PAPSS1: variants seen among roughly 807,000 people sequenced by gnomAD.
The protein encoded by PAPSS1 is 3'-phosphoadenosine 5'-phosphosulfate synthase 1, also known as bifunctional 3'-phosphoadenosine 5'-phosphosulfate synthase 1.
Under a neutral mutation model 72.0 loss-of-function variants are expected in PAPSS1, and 50 were observed. That is an observed-to-expected ratio of 0.69 (90% CI 0.55 to 0.88). The LOEUF is 0.88. Ranked by LOEUF, PAPSS1 falls within the 40% of genes least tolerant of loss-of-function variation. The probability of loss-of-function intolerance (pLI) is 0.00; values close to 1 mark genes in which losing one functional copy is unlikely to be tolerated. For synonymous variants in PAPSS1, 261 were observed against 263.6 expected (o/e 0.99, Z 0.09); for missense variants, 657 against 782.2 (o/e 0.84, Z 1.91).
intron 6 of PAPSS1, among the ~76,000 whole-genome samples, chr4:107,659,426 T>A (rs1727110947): frequency 6.6e-6 from 1 of 152,230 alleles, no homozygotes; most frequent in African/African-American, 2.4e-5. Flanking sequence ...ACATAAATGA[T>A]ACAACTTAAA....
intron 11 of PAPSS1, among the ~76,000 whole-genome samples, chr4:107,627,440 G>A (rs1268132129): frequency 6.6e-6 from 1 of 152,106 alleles, no homozygotes; most frequent in Non-Finnish European, 1.5e-5. Context: ...GAAGCAAAAG[G>A]TTTCTGGGCC....
chr4:107,719,949 T>C (rs1430296220), intron 1 of PAPSS1, 171 bp downstream of exon 1: 1 of 1,395,068 alleles, frequency 7.2e-7, no homozygotes, highest in Admixed American at 3.4e-5. Context: ...CGCGCCCCTC[T>C]GCCTCGCAAC....
rs564343566 is a variant in PAPSS1, at chr4:107,693,707, C to T, written c.411+64G>A. 208 of 1,156,508 alleles carry T rather than the reference C, an allele frequency of 1.8e-4. 5 individuals carry two copies. In the South Asian group the frequency reaches 2.6e-3, roughly 14 times the overall value. 71.6% of individuals were successfully genotyped at this position (1,156,508 alleles called of 1,614,324 possible). A position where few individuals can be genotyped will look rare whatever the true frequency, so the allele number is the denominator to read the frequency against. ...CACATATCAATGTTTAAAGTATGTG[C>T]TTTGCCTGATACCATATTCTCAATA... On this transcript the variant is annotated intron_variant, in intron 3 of 11. Transcript: ENST00000265174.
intron 10 of PAPSS1, among the ~76,000 whole-genome samples, chr4:107,642,985 C>G (rs1404211025): frequency 6.6e-6 from 1 of 152,318 alleles, no homozygotes; most frequent in Non-Finnish European, 1.5e-5. Context: ...AAAACCTTCA[C>G]GCCAGCGCTA....
At chr4:107,654,584 A>T in intron 8 of PAPSS1, 111 bp downstream of exon 8, 1 of 847,266 alleles carries the variant, frequency 1.2e-6, no homozygotes, top group Non-Finnish European at 2.0e-6. Flanking sequence ...AATCTCTACT[A>T]TGCAAAATAT....
At chr4:107,633,720 C>A (rs1306708085) in intron 10 of PAPSS1, among the ~76,000 whole-genome samples, 1 of 151,730 alleles carries the variant, frequency 6.6e-6, no homozygotes, top group Admixed American at 6.6e-5. Context: ...GAGATTGAGA[C>A]CATCCTGGCT....
At chr4:107,714,615 T>G (rs142349943) in intron 1 of PAPSS1, among the ~76,000 whole-genome samples, 1 of 152,322 alleles carries the variant, frequency 6.6e-6, no homozygotes, top group South Asian at 2.1e-4. Flanking sequence ...GATTTTACAT[T>G]TGCATTTCAG....
chr4:107,680,752 A>C (rs1013513260), intron 5 of PAPSS1, among the ~76,000 whole-genome samples: 6 of 152,226 alleles, frequency 3.9e-5, no homozygotes, highest in Non-Finnish European at 8.8e-5. Flanking sequence ...AGAGATAAGG[A>C]GGAAGCTACA....
chr4:107,717,964 T>C (rs1223491139), intron 1 of PAPSS1, among the ~76,000 whole-genome samples: 1 of 152,186 alleles, frequency 6.6e-6, no homozygotes, highest in Non-Finnish European at 1.5e-5. Flanking sequence ...AGAACATAAA[T>C]AGTGCTCATG....
chr4:107,633,405 T>G (rs1167713847), intron 10 of PAPSS1, among the ~76,000 whole-genome samples: 1 of 152,202 alleles, frequency 6.6e-6, no homozygotes, highest in Admixed American at 6.5e-5. Context: ...TTTGCACAAC[T>G]GTTTTTCCTA....
Position 107,619,255 on chromosome 4 carries a change from A to G in PAPSS1, c.1737-4868T>C, listed in dbSNP as rs1412935283. Among the ~76,000 whole-genome samples the G allele has an allele frequency of 2.0e-5, 3 of 152,264 alleles. No homozygotes were observed. The South Asian group carries it at 6.2e-4, about 32-fold the overall frequency. ...TTGCTTGCATTCCTTCTGAAATTGC[A>G]ATTTTAAACCAAGGTCCCTGGGTAC... On this transcript the variant is annotated intron_variant, in intron 11 of 11. Coordinates refer to ENST00000265174, the MANE Select transcript of PAPSS1 (RefSeq NM_005443.5).
At chr4:107,708,432 G>C (rs1052437226) in intron 1 of PAPSS1, among the ~76,000 whole-genome samples, 1 of 152,232 alleles carries the variant, frequency 6.6e-6, no homozygotes, top group Non-Finnish European at 1.5e-5. Flanking sequence ...TATACTGGTA[G>C]AACCTGTTTG....
chr4:107,709,606 G>A (rs151220979), intron 1 of PAPSS1, among the ~76,000 whole-genome samples: 6 of 152,174 alleles, frequency 3.9e-5, no homozygotes, highest in African/African-American at 7.2e-5. Flanking sequence ...AGATGACATC[G>A]CTATTGTAGA....
intron 5 of PAPSS1, among the ~76,000 whole-genome samples, chr4:107,666,404 T>C (rs151179134): frequency 7.9e-5 from 12 of 152,348 alleles, no homozygotes; most frequent in African/African-American, 2.6e-4. Flanking sequence ...TAGTGTTTTC[T>C]ATTTTCTTAA....
chr4:107,631,819 G>A lies in PAPSS1; in HGVS notation c.1548C>T (p.Asn516=). The A allele has an allele frequency of 6.2e-7, 1 of 1,614,072 alleles. No individual in the cohort carries two copies. The highest frequency in any genetic ancestry group is 1.3e-5 in the African/African-American group (1 of 75,014). The change falls in exon 11 of 12, where the codon AAC becomes AAT. Residue 516 remains asparagine (N), a synonymous_variant. Coordinates refer to ENST00000265174, the MANE Select transcript of PAPSS1 (RefSeq NM_005443.5). ...CAGGGTCTCGTCCAACAATGTAAAA[G>A]TTGGCTCCTGCAACCATCCGTGCTC... The part of the protein sequence containing the change: ...HCRARMVAGA[N]FYIVGRDPAG...
At chr4:107,718,958 C>G (rs895310261) in intron 1 of PAPSS1, among the ~76,000 whole-genome samples, 2 of 152,202 alleles carry the variant, frequency 1.3e-5, no homozygotes, top group South Asian at 2.1e-4. Flanking sequence ...AGTAAAGTGA[C>G]TCTCCTCAAG....
intron 10 of PAPSS1, among the ~76,000 whole-genome samples, chr4:107,636,960 ACTAT>A (rs1271148177): frequency 1.5e-4 from 23 of 152,218 alleles, no homozygotes; most frequent in Non-Finnish European, 2.9e-4. Context: ...AGTTAAGTTT[ACTAT>A]CTAATAGTGA....
chr4:107,717,161 T>C (rs1435171784), intron 1 of PAPSS1, among the ~76,000 whole-genome samples: 1 of 152,194 alleles, frequency 6.6e-6, no homozygotes, highest in East Asian at 1.9e-4. Context: ...GAAAAAACAC[T>C]GAAATGATAG....
chr4:107,653,644 T>G lies in PAPSS1; in HGVS notation c.1102-18A>C. The G allele has an allele frequency of 1.2e-6, 2 of 1,603,762 alleles. No individual in the cohort carries two copies. Reference sequence around the variant, plus strand: ...ATCACCATCTAATAGGAAAAACAAATTTTTTTAATGGAAACCGAGATCAAA... The same window carrying G: ...ATCACCATCTAATAGGAAAAACAAAGTTTTTTAATGGAAACCGAGATCAAA... On this transcript the variant is annotated intron_variant, in intron 8 of 11. Coordinates refer to ENST00000265174, the MANE Select transcript of PAPSS1 (RefSeq NM_005443.5).
Sources: gnomAD v4.1 joint callset for allele counts (sites outside exome capture counted in the v4.1 genomes callset) on GRCh38, gnomAD v4.1.1 for gene constraint, MANE v1.5 for transcripts, NCBI Gene and HGNC (gene_info 2026-07-23, HGNC 2026-07-21) for gene names.